The following QSOX2 variants were observed in gnomAD, a reference collection of about 807,000 sequenced individuals.
QSOX2 encodes quiescin sulfhydryl oxidase 2, also known as sulfhydryl oxidase 2.
QSOX2 carries 46 observed loss-of-function variants against 61.7 expected under a neutral mutation model. The observed-to-expected ratio is 0.75, with a 90% CI of 0.59 to 0.95. The LOEUF (loss-of-function observed/expected upper bound fraction) is 0.95. Among genes scored for constraint, QSOX2 ranks in the 40% least tolerant of loss-of-function variants. The probability of loss-of-function intolerance (pLI) is 0.00; values close to 1 mark genes in which losing one functional copy is unlikely to be tolerated. For missense variants in QSOX2, 879 were observed against 918.9 expected (o/e 0.96, Z 0.56); for synonymous variants, 383 against 388.4 (o/e 0.99, Z 0.16).
intron 9 of QSOX2, among the ~76,000 whole-genome samples, chr9:136,215,667 A>G (rs1831903616): frequency 6.6e-6 from 1 of 152,194 alleles, no homozygotes; most frequent in South Asian, 2.1e-4. Context: ...CAACAGAAAA[A>G]AGCTCAACTG....
Position 136,208,791 on chromosome 9 carries a change from C to T in QSOX2, c.2034G>A (p.Met678Ile), listed in dbSNP as rs766786858. ...YVASSLFLMVMYFFFRVRSRR... is the reference protein window; with the variant it reads ...YVASSLFLMVIYFFFRVRSRR... ...TGGACCTCACCCGGAAGAAGAAGTA[C>T]ATCACCATGAGGAACAGGGATGAAG... The change falls in exon 12 of 12, where the codon ATG (methionine) becomes ATA (isoleucine). Residue 678 changes from methionine (M) to isoleucine (I), a missense_variant. Physicochemically the swap from Met to Ile is conservative, Grantham distance 10. Transcript: ENST00000358701. 5 of 1,613,852 alleles carry T rather than the reference C, an allele frequency of 3.1e-6. No individual in the cohort carries two copies. In the African/African-American group the frequency reaches 6.7e-5, roughly 22 times the overall value.
chr9:136,216,505 C>A, intron 9 of QSOX2, 95 bp downstream of exon 9: 1 of 1,531,518 alleles, frequency 6.5e-7, no homozygotes, highest in Non-Finnish European at 8.9e-7. Context: ...CAGCGGAGCC[C>A]GGGCCCCGAG....
In QSOX2 at chr9:136,213,146, G is replaced by A. The variant is rs1007767520; in HGVS notation, c.1361-1694C>T. Among the ~76,000 whole-genome samples the A allele has an allele frequency of 1.2e-4, 18 of 152,124 alleles. No homozygotes were observed. In the East Asian group the frequency reaches 3.3e-3, roughly 28 times the overall value. On this transcript the variant is annotated intron_variant, in intron 10 of 11. Coordinates refer to ENST00000358701, the MANE Select transcript of QSOX2 (RefSeq NM_181701.4). Reference sequence around the variant, plus strand: ...CCGTGTGATCAGAGCAGACGGAAAGGGGGATGGCATGTCAGCTCATCTCCT... The same window carrying A: ...CCGTGTGATCAGAGCAGACGGAAAGAGGGATGGCATGTCAGCTCATCTCCT...
At chr9:136,212,251 C>T (rs1831855507) in intron 10 of QSOX2, among the ~76,000 whole-genome samples, 2 of 152,152 alleles carry the variant, frequency 1.3e-5, no homozygotes, top group South Asian at 4.1e-4. Flanking sequence ...GGGCGGGGCT[C>T]GGCAGTCCCC....
intron 1 of QSOX2, among the ~76,000 whole-genome samples, chr9:136,237,532 A>T (rs1259553814): frequency 6.8e-4 from 66 of 96,912 alleles, no homozygotes; most frequent in African/African-American, 2.4e-3. Flanking sequence ...CGACACCTGG[A>T]GCCCGTCCTG....
chr9:136,219,530 C>T (rs546462971), intron 6 of QSOX2, among the ~76,000 whole-genome samples: 110 of 152,358 alleles, frequency 7.2e-4, no homozygotes, highest in Non-Finnish European at 1.2e-3. Flanking sequence ...GACGCGCCCA[C>T]AATCTGCCAG....
intron 2 of QSOX2, 49 bp downstream of exon 2, chr9:136,226,725 G>A (rs750038108): frequency 1.4e-6 from 2 of 1,447,136 alleles, no homozygotes; most frequent in East Asian, 4.5e-5. Context: ...CACCTGGAAG[G>A]TGGGGTAGAA....
In QSOX2 at chr9:136,209,026, G is replaced by C; in HGVS notation, c.1799C>G (p.Ser600Cys). The C allele has an allele frequency of 6.2e-7, 1 of 1,614,088 alleles. No homozygotes were observed. Among genetic ancestry groups the C allele is most frequent in the Non-Finnish European group, 8.5e-7 (1 of 1,179,982 alleles). ...EEKRLTPPEV[S>C]HGDRDTQSVR... ...GCTCTGGGTGTCTCGGTCTCCATGG[G>C]ACACCTCTGGGGGAGTGAGTCTTTT... is the stretch of plus-strand genomic sequence containing the variant. The change falls in exon 12 of 12, where the codon TCC becomes TGC. Residue 600 changes from serine (S) to cysteine (C), a missense_variant. Coordinates refer to ENST00000358701, the MANE Select transcript of QSOX2 (RefSeq NM_181701.4). The surrounding 1 kb of genome is among the most constrained non-coding windows in gnomAD (Gnocchi z 5.6).
intron 9 of QSOX2, among the ~76,000 whole-genome samples, 184 bp from the exon 10 acceptor site, chr9:136,215,488 CAA>C (rs2131051845): frequency 6.6e-6 from 1 of 152,168 alleles, no homozygotes; most frequent in East Asian, 1.9e-4. Flanking sequence ...TTCAATAAAA[CAA>C]AAGAGAGGAA....
chr9:136,218,660 G>T lies in QSOX2; in HGVS notation c.1086+19C>A. 1 of 1,611,464 alleles carries T rather than the reference G, an allele frequency of 6.2e-7. No individual in the cohort carries two copies. Among genetic ancestry groups the T allele is most frequent in the Non-Finnish European group, 8.5e-7 (1 of 1,178,772 alleles). The stretch of plus-strand genomic sequence containing the variant: ...GAGCCAAATTCCCACATGCAGCCCA[G>T]ACCAGCACCGTCCCAAACCTTGGCC... On this transcript the variant is annotated intron_variant, in intron 8 of 11. Transcript: ENST00000358701.
intron 2 of QSOX2, among the ~76,000 whole-genome samples, chr9:136,226,003 G>C (rs1375707418): frequency 2.0e-5 from 3 of 152,204 alleles, no homozygotes; most frequent in Non-Finnish European, 2.9e-5. Flanking sequence ...GTGCCGCCCA[G>C]CGTGGCACCT....
At position 136,232,592 on chromosome 9, in the gene QSOX2, CCA is replaced by C. The variant is rs201173052; in HGVS notation, c.329-5720_329-5719del. Reference sequence around the variant, plus strand: ...AACTCACACACGCAAAACTTACAGACCACACACAGCACCATTCACAGTACAGA... The same window carrying C: ...AACTCACACACGCAAAACTTACAGACCACACAGCACCATTCACAGTACAGA... On this transcript the variant is annotated intron_variant, in intron 1 of 11. Transcript: ENST00000358701. Among the ~76,000 whole-genome samples the C allele has an allele frequency of 7.1e-3, 1,086 of 152,212 alleles. 12 individuals are homozygous for C. The highest frequency in any genetic ancestry group is 0.025 in the African/African-American group (1,033 of 41,516).
intron 3 of QSOX2, 131 bp downstream of exon 3, chr9:136,224,730 G>T: frequency 1.8e-6 from 1 of 546,200 alleles, no homozygotes. Context: ...TTAAGGGAAA[G>T]CAGGCAGGAA....
intron 1 of QSOX2, among the ~76,000 whole-genome samples, chr9:136,235,883 C>G (rs1262983724): frequency 1.5e-4 from 23 of 152,220 alleles, no homozygotes; most frequent in Non-Finnish European, 2.9e-5. Context: ...GGCACTTCCT[C>G]TATGAACATT....
chr9:136,228,981 CTG>C (rs112475337), intron 1 of QSOX2, among the ~76,000 whole-genome samples: 22 of 152,290 alleles, frequency 1.4e-4, no homozygotes, highest in African/African-American at 4.8e-4. Flanking sequence ...TCACCAGACT[CTG>C]TACAAATATG....
chr9:136,231,267 C>A (rs548115717), intron 1 of QSOX2, among the ~76,000 whole-genome samples: 1 of 152,178 alleles, frequency 6.6e-6, no homozygotes, highest in Non-Finnish European at 1.5e-5. Context: ...CTCCGACTAG[C>A]GTGTGACCAG....
intron 2 of QSOX2, among the ~76,000 whole-genome samples, chr9:136,225,752 C>T (rs28674616): frequency 0.14 from 21,014 of 152,280 alleles, 2,661 homozygotes; most frequent in African/African-American, 0.34. Context: ...CAACGGGGGG[C>T]TCTGGTTCTC....
At chr9:136,219,197 G>T (rs375182791) in intron 6 of QSOX2, 33 bp from the exon 7 acceptor site, 127 of 1,598,518 alleles carry the variant, frequency 7.9e-5, no homozygotes, top group Non-Finnish European at 1.1e-4. Flanking sequence ...GGTGAGAAGA[G>T]CCTCCTTTAT....
intron 1 of QSOX2, among the ~76,000 whole-genome samples, chr9:136,243,550 GTCTC>G (rs1361423194): frequency 2.6e-5 from 4 of 152,266 alleles, no homozygotes; most frequent in East Asian, 1.9e-4. Context: ...ACTGATTTAT[GTCTC>G]TCTGCCTATA....
Sources: gnomAD v4.1 joint callset for allele counts (sites outside exome capture counted in the v4.1 genomes callset) on GRCh38, gnomAD v4.1.1 for gene constraint, Gnocchi (gnomAD v3.1) non-coding constraint, MANE v1.5 for transcripts, NCBI Gene and HGNC (gene_info 2026-07-23, HGNC 2026-07-21) for gene names.